Variants in BRD4 observed in about 807,000 individuals in gnomAD.
BRD4 encodes the protein bromodomain-containing protein 4.
A neutral mutation model predicts 142.1 loss-of-function variants in BRD4; 16 were observed. The ratio of observed to expected loss-of-function variants is 0.11; its 90% CI spans 0.08 to 0.17. The LOEUF is 0.17. BRD4 is among the 10% of genes least tolerant of loss of function. The pLI, the probability that BRD4 is intolerant of heterozygous loss-of-function variation, is 1.00. For synonymous variants in BRD4, 833 were observed against 707.5 expected, an observed-to-expected ratio of 1.18 and a Z score of -2.82; for missense variants, 1,424 against 1,810.9, an observed-to-expected ratio of 0.79 and a Z score of 3.88.
In BRD4 at chr19:15,239,590, C is replaced by T; in HGVS notation, c.3446-68G>A. Reference sequence around the variant, plus strand: ...AGTGGGGCATGGTCCACCAGCCCCACAGCAAGCTTATGTCCAACACGGGCC... The same window carrying T: ...AGTGGGGCATGGTCCACCAGCCCCATAGCAAGCTTATGTCCAACACGGGCC... On this transcript the variant is annotated intron_variant, in intron 16 of 19. Transcript: ENST00000679869. This position sits in a 1 kb window ranked among gnomAD's most constrained non-coding sequence, Gnocchi z 7.4. The T allele has an allele frequency of 6.4e-7, 1 of 1,563,304 alleles. No individual in the cohort carries two copies. Among genetic ancestry groups the T allele is most frequent in the Non-Finnish European group, 8.6e-7 (1 of 1,161,086 alleles).
intron 1 of BRD4, among the ~76,000 whole-genome samples, chr19:15,297,911 A>G (rs2047837219): frequency 6.6e-6 from 1 of 152,228 alleles, no homozygotes; most frequent in Non-Finnish European, 1.5e-5. Flanking sequence ...ATGTGTGCCC[A>G]TCCACAACCT....
intron 1 of BRD4, among the ~76,000 whole-genome samples, chr19:15,317,029 C>G (rs541477183): frequency 6.6e-6 from 1 of 152,328 alleles, no homozygotes; most frequent in South Asian, 2.1e-4. Flanking sequence ...ATCATCCAAA[C>G]CATCTGAGTT....
At chr19:15,261,882 C>T (rs2047474694) in intron 7 of BRD4, among the ~76,000 whole-genome samples, 1 of 151,978 alleles carries the variant, frequency 6.6e-6, no homozygotes, top group Non-Finnish European at 1.5e-5. Flanking sequence ...GAATGACACC[C>T]CGTTTCCAAA....
Position 15,255,544 on chromosome 19 carries a change from C to T in BRD4, c.1800G>A (p.Glu600=), listed in dbSNP as rs1445811422. 7 of 1,612,048 alleles carry T rather than the reference C, an allele frequency of 4.3e-6. No individual in the cohort carries two copies. The highest frequency in any genetic ancestry group is 3.4e-6 in the Non-Finnish European group (4 of 1,178,292). The change falls in exon 10 of 20, where the codon GAG becomes GAA. Residue 600 remains glutamate (E), a synonymous_variant. Transcript: ENST00000679869. ...GCTTGCACTTGTCCTCTTCCTCCGACTCATACGTGGGAGGGGGCTTGCTCT... is the reference window on the plus strand; with the variant it reads ...GCTTGCACTTGTCCTCTTCCTCCGATTCATACGTGGGAGGGGGCTTGCTCT... ...PMKSKPPPTY[E]SEEEDKCKPM...
chr19:15,264,272 T>G, intron 6 of BRD4, 132 bp downstream of exon 6: 3 of 1,285,992 alleles, frequency 2.3e-6, no homozygotes, highest in Non-Finnish European at 3.2e-6. Context: ...TTTCTTCGAG[T>G]TGGCGGGAAA....
intron 7 of BRD4, among the ~76,000 whole-genome samples, chr19:15,259,071 T>C (rs916040664): frequency 5.3e-5 from 8 of 152,042 alleles, no homozygotes; most frequent in African/African-American, 7.3e-5. Flanking sequence ...GACAGATCCC[T>C]AGCCCTGCAG....
intron 11 of BRD4, among the ~76,000 whole-genome samples, chr19:15,245,789 T>G (rs2047280666): frequency 6.6e-6 from 1 of 152,188 alleles, no homozygotes; most frequent in South Asian, 2.1e-4. Flanking sequence ...CCTTTTGGAT[T>G]CCTGTCACTG....
At chr19:15,246,159 C>T (rs753059347) in intron 11 of BRD4, among the ~76,000 whole-genome samples, 2 of 152,288 alleles carry the variant, frequency 1.3e-5, no homozygotes, top group South Asian at 2.1e-4. Context: ...GGGCTCAGGA[C>T]GCTCTGGGTC....
rs201913040 is a variant in BRD4 at position 15,239,475 on chromosome 19, G to A, written c.3493C>T (p.Pro1165Ser). The A allele has an allele frequency of 1.2e-6, 2 of 1,614,004 alleles. No homozygotes were observed. Among genetic ancestry groups the A allele is most frequent in the Non-Finnish European group, 1.7e-6 (2 of 1,180,040 alleles). ...CCTGGTGGCGGTGCGTTCTGCTCTG[G>A]GGGCCGGATCACAGGCCTCCCGACA... ...VDVGRPVIRP[P>S]EQNAPPPGAP... Residue 1165 changes from proline to serine, a missense_variant, in exon 17 of 20, where the codon CCA becomes TCA. This residue lies in a region of BRD4 where 598 missense variants were observed against 647.8 expected (regional missense o/e 0.92). Transcript: ENST00000679869. This position sits in a 1 kb window ranked among gnomAD's most constrained non-coding sequence, Gnocchi z 7.4.
chr19:15,326,127 T>C (rs796787416), intron 1 of BRD4, among the ~76,000 whole-genome samples: 4 of 143,832 alleles, frequency 2.8e-5, no homozygotes, highest in Non-Finnish European at 6.0e-5. Context: ...AAACGAAACA[T>C]TTTGGAAATG....
intron 2 of BRD4, among the ~76,000 whole-genome samples, chr19:15,269,246 G>T (rs1297639919): frequency 6.6e-6 from 1 of 152,216 alleles, no homozygotes; most frequent in African/African-American, 2.4e-5. Context: ...CTGGATGCTG[G>T]GGAGTAATTC....
At chr19:15,240,153 C>CTA in intron 14 of BRD4, 131 bp from the exon 15 acceptor site, 1 of 1,363,642 alleles carries the variant, frequency 7.3e-7, no homozygotes, top group Middle Eastern at 2.4e-4. Context: ...GACAAGGGTC[C>CTA]ATTAGCCCAG....
At chr19:15,329,703 C>T (rs2048140422) in intron 1 of BRD4, among the ~76,000 whole-genome samples, 1 of 152,216 alleles carries the variant, frequency 6.6e-6, no homozygotes, top group South Asian at 2.1e-4. Flanking sequence ...CGCACCACTG[C>T]ACTCCAGCCT....
intron 1 of BRD4, among the ~76,000 whole-genome samples, chr19:15,305,279 G>A (rs1250135684): frequency 1.3e-5 from 2 of 152,154 alleles, no homozygotes; most frequent in African/African-American, 4.8e-5. Context: ...CTGACCTCAG[G>A]TGATCCACCT....
In BRD4 at chr19:15,237,911, C is replaced by G. The variant is rs1297095711; in HGVS notation, c.*466G>C. 1 of 241,838 alleles carries G rather than the reference C, an allele frequency of 4.1e-6. No homozygotes were observed. Among genetic ancestry groups the G allele is most frequent in the Non-Finnish European group, 8.1e-6 (1 of 123,864 alleles). The allele number at this position is 241,838 out of a possible 1,614,324, so 15.0% of individuals were successfully genotyped here. A position where few individuals can be genotyped will look rare whatever the true frequency, so the allele number is the denominator to read the frequency against. On this transcript the variant is annotated 3_prime_UTR_variant, in exon 20 of 20. Coordinates refer to ENST00000679869, the MANE Select transcript of BRD4 (RefSeq NM_001379291.1). ...TCGCCCGCCTCCAGCCCACGCAGGC[C>G]TGCCCTGGCCTCCTGGGAGCGGGCG...
intron 1 of BRD4, among the ~76,000 whole-genome samples, chr19:15,301,951 G>A (rs922747666): frequency 2.0e-5 from 3 of 150,916 alleles, no homozygotes; most frequent in Non-Finnish European, 4.4e-5. Context: ...AGTATCATTT[G>A]AGGTCAGGAG....
Position 15,267,595 on chromosome 19 carries a change from C to T in BRD4, c.424-44G>A, listed in dbSNP as rs765453395. 10 of 1,600,092 alleles carry T rather than the reference C, an allele frequency of 6.2e-6. No homozygotes were observed. The South Asian group carries it at 1.1e-4, about 18-fold the overall frequency. On this transcript the variant is annotated intron_variant, in intron 3 of 19. Transcript: ENST00000679869. ...GGGTAGAGTCAGAGGGCCCTCCCCT[C>T]CCCACCTCTGTAGACAGGGCACCCC...
intron 11 of BRD4, chr19:15,253,477 G>A (rs202242758): frequency 1.5e-5 from 21 of 1,396,288 alleles, no homozygotes; most frequent in East Asian, 7.5e-5. Flanking sequence ...GCAGACCCAC[G>A]GGGCTTGAAA....
At chr19:15,248,317 GA>G (rs2145534895) in intron 11 of BRD4, 1 of 216,818 alleles carries the variant, frequency 4.6e-6, no homozygotes, top group Non-Finnish European at 9.3e-6. Context: ...TGAAGACGGG[GA>G]AAATGTTCAC....
Sources: gnomAD v4.1 joint callset for allele counts (sites outside exome capture counted in the v4.1 genomes callset) on GRCh38, gnomAD v4.1.1 for gene constraint, gnomAD v4.1.1 regional missense constraint, Gnocchi (gnomAD v3.1) non-coding constraint, MANE v1.5 for transcripts, NCBI Gene and HGNC (gene_info 2026-07-23, HGNC 2026-07-21) for gene names.